Variants in WWC1 observed in about 807,000 individuals in gnomAD.
The protein encoded by WWC1 is protein KIBRA.
Under a neutral mutation model 138.4 loss-of-function variants are expected in WWC1, and 55 were observed. That is an observed-to-expected ratio of 0.40 (90% confidence interval 0.32 to 0.50). The LOEUF is 0.50. WWC1 is among the 20% of genes least tolerant of loss of function. The probability of loss-of-function intolerance (pLI) is 0.72; values close to 1 mark genes in which losing one functional copy is unlikely to be tolerated. For synonymous variants in WWC1, 524 were observed against 564.9 expected (o/e 0.93, Z 1.03); for missense variants, 1,226 against 1,420.4 (o/e 0.86, Z 2.20).
At chr5:168,410,049 G>T (rs776369122) in intron 8 of WWC1, 54 bp downstream of exon 8, 2 of 1,536,762 alleles carry the variant, frequency 1.3e-6, no homozygotes, top group Non-Finnish European at 1.8e-6. Context: ...AACTACTATT[G>T]TAGAATGCCT....
intron 21 of WWC1, among the ~76,000 whole-genome samples, chr5:168,465,197 G>A (rs993227845): frequency 2.6e-5 from 4 of 152,196 alleles, no homozygotes; most frequent in Non-Finnish European, 5.9e-5. Flanking sequence ...TACTGCATTT[G>A]TTGTTGTGAT....
intron 4 of WWC1, among the ~76,000 whole-genome samples, chr5:168,398,932 A>G (rs143648508): frequency 5.5e-4 from 84 of 152,362 alleles, no homozygotes; most frequent in African/African-American, 1.9e-3. Context: ...TGAAGATTTG[A>G]TTATTAGCAA....
chr5:168,437,174 C>T (rs1037671377), intron 15 of WWC1, among the ~76,000 whole-genome samples: 1 of 152,164 alleles, frequency 6.6e-6, no homozygotes, highest in African/African-American at 2.4e-5. Flanking sequence ...TCCTTCTGGA[C>T]TTTATTCAAA....
chr5:168,320,554 CAG>C (rs1013024778), intron 1 of WWC1, among the ~76,000 whole-genome samples: 1 of 152,086 alleles, frequency 6.6e-6, no homozygotes, highest in Non-Finnish European at 1.5e-5. Flanking sequence ...ATCAGGTTAC[CAG>C]GATAACTCAG....
At chr5:168,300,871 G>C (rs867999702) in intron 1 of WWC1, among the ~76,000 whole-genome samples, 1 of 152,334 alleles carries the variant, frequency 6.6e-6, no homozygotes, top group East Asian at 1.9e-4. Flanking sequence ...CAAGATGCAG[G>C]CATCAGGTGG....
chr5:168,455,399 C>G lies in WWC1; in HGVS notation c.2702C>G (p.Thr901Arg). The change falls in exon 19 of 23, where the codon ACA becomes AGA. Residue 901 changes from threonine to arginine, a missense_variant. By Grantham distance (71) the Thr-to-Arg change is moderately conservative. Coordinates refer to ENST00000265293, the MANE Select transcript of WWC1 (RefSeq NM_015238.3). Reference sequence around the variant, plus strand: ...ACGGAGACCCCGGCCCCATCCCCCACAGTGGTGCGACCTAAGGACCGGAGA... The same window carrying G: ...ACGGAGACCCCGGCCCCATCCCCCAGAGTGGTGCGACCTAAGGACCGGAGA... ...TNTETPAPSP[T>R]VVRPKDRRVG... 6.2e-7 allele frequency: 1 copy of G among 1,608,192 alleles called. No individual in the cohort carries two copies. The highest frequency in any genetic ancestry group is 8.5e-7 in the Non-Finnish European group (1 of 1,177,506).
At chr5:168,440,122 A>G (rs1754616941) in intron 15 of WWC1, among the ~76,000 whole-genome samples, 4 of 152,180 alleles carry the variant, frequency 2.6e-5, no homozygotes, top group Admixed American at 2.6e-4. Flanking sequence ...AAAAAAATCA[A>G]CCCAATTTGA....
intron 1 of WWC1, among the ~76,000 whole-genome samples, chr5:168,312,307 T>A (rs1024383845): frequency 6.6e-6 from 1 of 152,164 alleles, no homozygotes; most frequent in African/African-American, 2.4e-5. Flanking sequence ...CTAACCATCA[T>A]ACCAACCTTC....
intron 9 of WWC1, chr5:168,415,798 TGGGGGGGGGGGGGGG>T (rs56206528): frequency 2.4e-3 from 15 of 6,346 alleles, no homozygotes; most frequent in Non-Finnish European, 4.1e-3. Context: ...TGTGTGTGTG[TGGGGGGGGGGGGGGG>T]GCGTGTGTGT....
At chr5:168,328,543 G>A (rs1477174931) in intron 1 of WWC1, among the ~76,000 whole-genome samples, 1 of 152,014 alleles carries the variant, frequency 6.6e-6, no homozygotes, top group African/African-American at 2.4e-5. Context: ...TGGGTGTGGG[G>A]AGTTTTTTCT....
chr5:168,442,419 ATGGTGAGGCCTTGTC>A (rs1376394856), intron 16 of WWC1, among the ~76,000 whole-genome samples: 2 of 129,964 alleles, frequency 1.5e-5, no homozygotes, highest in African/African-American at 6.2e-5. Flanking sequence ...CCTGGGCAAC[ATGGTGAGGCCTTGTC>A]TCTACAAAAA....
chr5:168,447,302 A>T (rs1755367086), intron 17 of WWC1, among the ~76,000 whole-genome samples: 1 of 152,194 alleles, frequency 6.6e-6, no homozygotes. Context: ...CTCCCGTAAT[A>T]TCTGTTACTC....
intron 10 of WWC1, 70 bp downstream of exon 10, chr5:168,422,167 C>A: frequency 6.8e-7 from 1 of 1,469,192 alleles, no homozygotes; most frequent in Non-Finnish European, 9.5e-7. Flanking sequence ...AGTGTCCCAG[C>A]CCAGGCTCTA....
intron 9 of WWC1, among the ~76,000 whole-genome samples, chr5:168,418,271 C>T (rs1346486406): frequency 6.6e-6 from 1 of 152,158 alleles, no homozygotes; most frequent in African/African-American, 2.4e-5. Flanking sequence ...TCTGCCTCCC[C>T]CTCCTTCCCG....
rs535412174 is a variant in WWC1, at chr5:168,381,588, T to C, written c.230-3623T>C. 6.8e-4 allele frequency among the ~76,000 whole-genome samples: 103 copies of C among 152,278 alleles called. 1 individual carries two copies. Among genetic ancestry groups the C allele is most frequent in the Admixed American group, 3.1e-3 (48 of 15,300 alleles). On this transcript the variant is annotated intron_variant, in intron 2 of 22. Transcript: ENST00000265293. ...GGGATTTGATTGATCTGGAGTAGGATTGAAATTTTTAAAAAATTCTCCCGG... is the reference window on the plus strand; with the variant it reads ...GGGATTTGATTGATCTGGAGTAGGACTGAAATTTTTAAAAAATTCTCCCGG...
At chr5:168,315,897 C>G (rs983499026) in intron 1 of WWC1, among the ~76,000 whole-genome samples, 2 of 152,182 alleles carry the variant, frequency 1.3e-5, no homozygotes, top group Non-Finnish European at 2.9e-5. Context: ...CACAGCCCAC[C>G]TGTTTGGGAC....
intron 1 of WWC1, among the ~76,000 whole-genome samples, chr5:168,303,838 C>T (rs1011311151): frequency 6.6e-6 from 1 of 152,136 alleles, no homozygotes; most frequent in Non-Finnish European, 1.5e-5. Flanking sequence ...ACTTTCCCTA[C>T]TTCAACTCCA....
intron 18 of WWC1, among the ~76,000 whole-genome samples, 191 bp from the exon 19 acceptor site, chr5:168,455,165 A>G (rs1756193070): frequency 6.6e-6 from 1 of 152,124 alleles, no homozygotes; most frequent in Admixed American, 6.5e-5. Flanking sequence ...GGGTCGGCAC[A>G]CCTAGCCTTG....
rs762285329 is a variant in WWC1, at chr5:168,467,981, G to A, written c.3275+17G>A. 6 of 1,613,648 alleles carry A rather than the reference G, an allele frequency of 3.7e-6. No individual in the cohort carries two copies. The highest frequency in any genetic ancestry group is 5.1e-6 in the Non-Finnish European group (6 of 1,179,716). On this transcript the variant is annotated intron_variant, in intron 22 of 22. Coordinates refer to ENST00000265293, the MANE Select transcript of WWC1 (RefSeq NM_015238.3). ...GTCTTTCAGGTAAGCAGAGGGCCCCGGCAGCCCCCCATCCCTTTCTCAGCC... is the reference window on the plus strand; with the variant it reads ...GTCTTTCAGGTAAGCAGAGGGCCCCAGCAGCCCCCCATCCCTTTCTCAGCC...
Sources: gnomAD v4.1 joint callset for allele counts (sites outside exome capture counted in the v4.1 genomes callset) on GRCh38, gnomAD v4.1.1 for gene constraint, MANE v1.5 for transcripts, NCBI Gene and HGNC (gene_info 2026-07-23, HGNC 2026-07-21) for gene names.